Variants in PLCB1 observed in about 807,000 individuals in gnomAD.
The protein encoded by PLCB1 is phospholipase C beta 1.
In PLCB1, 46 loss-of-function variants were observed where a neutral mutation model predicts 161.8. The ratio of observed to expected loss-of-function variants is 0.28; its 90% CI spans 0.22 to 0.36. The LOEUF is 0.36. Ranked by LOEUF, PLCB1 falls within the 10% of genes least tolerant of loss-of-function variation. The pLI is 1.00. For missense variants in PLCB1, 1,016 were observed against 1,472.5 expected (o/e 0.69, Z 5.07); for synonymous variants, 517 against 503.7 (o/e 1.03, Z -0.35).
At chr20:8,539,629 T>TTTCTTTCTTTCTTTCTTTCTTTCC (rs1568499392) in intron 3 of PLCB1, among the ~76,000 whole-genome samples, 5 of 80,286 alleles carry the variant, frequency 6.2e-5, no homozygotes, top group African/African-American at 2.7e-4. Flanking sequence ...TCTTTCTTTC[T>TTTCTTTCTTTCTTTCTTTCTTTCC]TTCTTTCTTT....
chr20:8,553,678 G>GA (rs1409158859), intron 3 of PLCB1, among the ~76,000 whole-genome samples: 1 of 152,040 alleles, frequency 6.6e-6, no homozygotes, highest in East Asian at 1.9e-4. Context: ...AATGAATACA[G>GA]AAAAACATTA....
chr20:8,867,311 C>G (rs1189104272), intron 31 of PLCB1, among the ~76,000 whole-genome samples: 1 of 152,226 alleles, frequency 6.6e-6, no homozygotes, highest in African/African-American at 2.4e-5. Flanking sequence ...TTTGGAGACC[C>G]AAGACTTCCT....
chr20:8,600,584 C>G (rs1987531795), intron 3 of PLCB1: 1 of 150,842 alleles, frequency 6.6e-6, no homozygotes. Flanking sequence ...AGAGGTGGAG[C>G]CTACAGAGGC....
chr20:8,141,366 G>C (rs1024546162), intron 1 of PLCB1, among the ~76,000 whole-genome samples: 1 of 152,190 alleles, frequency 6.6e-6, no homozygotes, highest in Non-Finnish European at 1.5e-5. Context: ...GCTCACGCCT[G>C]TAATCCCAGC....
intron 1 of PLCB1, among the ~76,000 whole-genome samples, chr20:8,145,252 T>C (rs970402051): frequency 1.3e-5 from 2 of 152,148 alleles, no homozygotes; most frequent in Non-Finnish European, 1.5e-5. Context: ...TTCACATCAT[T>C]TTCCTTCTGT....
intron 3 of PLCB1, among the ~76,000 whole-genome samples, chr20:8,560,081 A>G (rs1338592609): frequency 1.3e-5 from 2 of 151,996 alleles, no homozygotes; most frequent in African/African-American, 4.8e-5. Flanking sequence ...TTTAGTTTAT[A>G]TGAGAATCCC....
intron 3 of PLCB1, among the ~76,000 whole-genome samples, chr20:8,477,747 A>G (rs956607835): frequency 2.6e-5 from 4 of 152,196 alleles, no homozygotes; most frequent in African/African-American, 9.6e-5. Context: ...CAGCTCTCGC[A>G]TGAACTAATT....
At position 8,657,208 on chromosome 20, in the gene PLCB1, T is replaced by G. The variant is rs1358940714; in HGVS notation, c.619T>G (p.Phe207Val). The change falls in exon 8 of 32, where the codon TTC becomes GTC. Residue 207 changes from phenylalanine to valine, a missense_variant. Physicochemically the swap from Phe to Val is conservative, Grantham distance 50. Around this residue, in one of 10 missense-constraint regions of PLCB1, gnomAD observed 117 missense variants for 142.2 expected, o/e 0.82. Transcript: ENST00000338037. The part of the protein sequence containing the change: ...SRNDSIPQED[F>V]TPEVYRVFLN... ...GAATGATTCAATACCTCAAGAAGAT[T>G]TCACTCCAGAAGTGTACAGAGTTTT... The G allele has an allele frequency of 6.2e-7, 1 of 1,607,548 alleles. No individual in the cohort carries two copies. The highest frequency in any genetic ancestry group is 2.2e-5 in the East Asian group (1 of 44,834).
chr20:8,201,337 A>G (rs758338455), intron 2 of PLCB1, among the ~76,000 whole-genome samples: 6 of 152,012 alleles, frequency 3.9e-5, no homozygotes, highest in Non-Finnish European at 7.4e-5. Context: ...TAACCTTTAA[A>G]TCTTAAATAG....
intron 3 of PLCB1, among the ~76,000 whole-genome samples, chr20:8,424,840 C>T (rs971359388): frequency 3.3e-5 from 5 of 152,182 alleles, no homozygotes; most frequent in Admixed American, 3.3e-4. Flanking sequence ...AGAAGGAAAG[C>T]AGGGATTTAT....
At chr20:8,206,608 ATACT>A (rs1344771706) in intron 2 of PLCB1, among the ~76,000 whole-genome samples, 1 of 152,138 alleles carries the variant, frequency 6.6e-6, no homozygotes, top group African/African-American at 2.4e-5. Flanking sequence ...TATAAAATAA[ATACT>A]TACTATATTT....
intron 27 of PLCB1, among the ~76,000 whole-genome samples, chr20:8,786,149 G>A (rs2206489): frequency 0.26 from 38,990 of 152,056 alleles, 5,424 homozygotes; most frequent in Non-Finnish European, 0.32. Context: ...ATAACTCTCT[G>A]TAACTCCTTC....
At chr20:8,379,602 C>T (rs1017961743) in intron 3 of PLCB1, among the ~76,000 whole-genome samples, 1 of 152,194 alleles carries the variant, frequency 6.6e-6, no homozygotes, top group Non-Finnish European at 1.5e-5. Flanking sequence ...TCCACAGCCT[C>T]ACCAGCATCT....
chr20:8,750,889 C>A, intron 23 of PLCB1: 1 of 1,348,458 alleles, frequency 7.4e-7, no homozygotes, highest in Non-Finnish European at 9.9e-7. Flanking sequence ...CATGTGGTGC[C>A]CATCCAAAGC....
chr20:8,285,761 C>T (rs6055713), intron 2 of PLCB1, among the ~76,000 whole-genome samples: 2 of 152,150 alleles, frequency 1.3e-5, no homozygotes, highest in Non-Finnish European at 2.9e-5. Context: ...CTCCTATGGC[C>T]TTCACACCTG....
In PLCB1 at chr20:8,546,313, C is replaced by CAAAAA. The variant is rs369485988; in HGVS notation, c.247-81960_247-81956dup. Among the ~76,000 whole-genome samples the CAAAAA allele has an allele frequency of 3.7e-4, 38 of 102,872 alleles. No homozygotes were observed. The East Asian group carries it at 5.6e-3, about 15-fold the overall frequency. The allele number at this position is 102,872 out of a possible 152,430, so 67.5% of individuals were successfully genotyped here. ...GGATGACAAGAACAAGACTCTATCT[C>CAAAAA]AAAAAAAAAAAAAAAAAAAAAAAAA... On this transcript the variant is annotated intron_variant, in intron 3 of 31. Coordinates refer to ENST00000338037, the MANE Select transcript of PLCB1 (RefSeq NM_015192.4).
At position 8,811,780 on chromosome 20, in the gene PLCB1, G is replaced by T. The variant is rs73600209; in HGVS notation, c.3423+21519G>T. ...CACAGGCCTGCCTGGCTGCTACACT[G>T]AGGTGTCTACAGACCAAGAGGCTTC... On this transcript the variant is annotated intron_variant, in intron 31 of 31. Transcript: ENST00000338037. Among the ~76,000 whole-genome samples, 55 of 152,358 alleles carry T rather than the reference G, an allele frequency of 3.6e-4. 1 individual carries two copies. The East Asian group carries it at 0.01, about 29-fold the overall frequency.
In PLCB1 at chr20:8,817,060, C is replaced by A. The variant is rs562979397; in HGVS notation, c.3423+26799C>A. Among the ~76,000 whole-genome samples, 5 of 152,252 alleles carry A rather than the reference C, an allele frequency of 3.3e-5. No homozygotes were observed. The South Asian group carries it at 1.0e-3, about 32-fold the overall frequency. ...GGTTCTTAGTAGAATTACAGTGATT[C>A]TGAAGCAATCCTGAAGTCACCTGTT... On this transcript the variant is annotated intron_variant, in intron 31 of 31. Transcript: ENST00000338037.
At chr20:8,543,532 C>T (rs995949889) in intron 3 of PLCB1, among the ~76,000 whole-genome samples, 2 of 149,930 alleles carry the variant, frequency 1.3e-5, no homozygotes, top group Non-Finnish European at 3.0e-5. Flanking sequence ...AATGGAATTA[C>T]ACTCATGTAT....
Sources: gnomAD v4.1 joint callset for allele counts (sites outside exome capture counted in the v4.1 genomes callset) on GRCh38, gnomAD v4.1.1 for gene constraint, gnomAD v4.1.1 regional missense constraint, MANE v1.5 for transcripts, NCBI Gene and HGNC (gene_info 2026-07-23, HGNC 2026-07-21) for gene names.